Variants in ZNF275 observed in about 807,000 individuals in gnomAD.
ZNF275 encodes the protein zinc finger protein 275.
Under a neutral mutation model 4.3 loss-of-function variants are expected in ZNF275, and 4 were observed. The ratio of observed to expected loss-of-function variants is 0.93; its 90% CI spans 0.46 to 2.13. ZNF275 has a LOEUF of 2.13. Ranked by LOEUF, ZNF275 falls within the 30% of genes most tolerant of loss-of-function variation. The pLI, the probability that ZNF275 is intolerant of heterozygous loss-of-function variation, is 0.02. For synonymous variants in ZNF275, 173 were observed against 166.9 expected (o/e 1.04, Z -0.28); for missense variants, 352 against 397.1 (o/e 0.89, Z 0.97).
Position 153,351,866 on chromosome X carries a change from C to G in ZNF275, c.*3891C>G, listed in dbSNP as rs1033131903. 1.8e-5 allele frequency: 2 copies of G among 111,582 alleles called. No individual in the cohort carries two copies. The highest frequency in any genetic ancestry group is 5.6e-4 in the East Asian group (2 of 3,568). The allele number at this position is 111,582 out of a possible 1,213,427, so 9.2% of individuals were successfully genotyped here. A position where few individuals can be genotyped will look rare whatever the true frequency, so the allele number is the denominator to read the frequency against. On this transcript the variant is annotated 3_prime_UTR_variant, in exon 4 of 4. Coordinates refer to ENST00000650114, the MANE Select transcript of ZNF275 (RefSeq NM_001367757.1). ...GCACAGCGCCTGCCCTACCTGCAGC[C>G]CTGGGTTGTGGCCCTGTTGCGTACC...
At chrX:153,342,601 G>A (rs1556961114) in intron 2 of ZNF275, among the ~76,000 whole-genome samples, 1 of 111,794 alleles carries the variant, frequency 8.9e-6, no homozygotes, top group Admixed American at 9.5e-5. Context: ...TTTGGCTCTA[G>A]GAATAGATCA....
At chrX:153,336,895 A>G (rs1216865957) in intron 2 of ZNF275, among the ~76,000 whole-genome samples, 185 bp downstream of exon 2, 2 of 111,744 alleles carry the variant, frequency 1.8e-5, no homozygotes, top group African/African-American at 6.5e-5. Context: ...CAATCCAAGC[A>G]ATACAACTCA....
At chrX:153,334,550 T>C (rs2124199592) in intron 1 of ZNF275, among the ~76,000 whole-genome samples, 1 of 109,236 alleles carries the variant, frequency 9.2e-6, no homozygotes, top group African/African-American at 3.4e-5. Flanking sequence ...GGGTCCCGGA[T>C]GACGAGTACG....
chrX:153,345,572 G>T lies in ZNF275; in HGVS notation c.84G>T (p.Val28=), dbSNP rs2088507997. ...TCCCTCACCTGGCACAAGGACAAGTGCTACTGGTGTCAGACCCATCGCCCA... is the reference window on the plus strand; with the variant it reads ...TCCCTCACCTGGCACAAGGACAAGTTCTACTGGTGTCAGACCCATCGCCCA... ...ALVPHLAQGQ[V]LLVSDPSPNT... Residue 28 remains valine (V), a synonymous_variant, in exon 3 of 4, where the codon GTG becomes GTT. Coordinates refer to ENST00000650114, the MANE Select transcript of ZNF275 (RefSeq NM_001367757.1). 3.3e-6 allele frequency: 4 copies of T among 1,211,251 alleles called. No individual in the cohort carries two copies. In the East Asian group the frequency reaches 1.2e-4, roughly 36 times the overall value.
rs2088525656 is a variant in ZNF275 at position 153,347,426 on chromosome X, G to A, written c.741G>A (p.Leu247=). Reference sequence around the variant, plus strand: ...GCAAGGCGTGCAGCAGGGATTTCCTGGATCGCCAGGAGCTTCTCAAGCACC... The same window carrying A: ...GCAAGGCGTGCAGCAGGGATTTCCTAGATCGCCAGGAGCTTCTCAAGCACC... The part of the protein sequence containing the change: ...FACKACSRDF[L]DRQELLKHQR... The change falls in exon 4 of 4, where the codon CTG becomes CTA. Residue 247 remains leucine (L), a synonymous_variant. Coordinates refer to ENST00000650114, the MANE Select transcript of ZNF275 (RefSeq NM_001367757.1). The A allele has an allele frequency of 8.3e-7, 1 of 1,210,606 alleles. No individual in the cohort carries two copies. Among genetic ancestry groups the A allele is most frequent in the Non-Finnish European group, 1.1e-6 (1 of 895,145 alleles).
In ZNF275 at chrX:153,346,941, G is replaced by A. The variant is rs373147528; in HGVS notation, c.256G>A (p.Asp86Asn). ...SPEFRQHGDS[D>N]GKRGSPQNLP... is the part of the protein sequence containing the mutation. ...TGAATTCAGACAGCACGGGGACTCT[G>A]ACGGGAAGAGAGGGAGCCCACAGAA... Residue 86 changes from aspartate to asparagine, a missense_variant, in exon 4 of 4, where the codon GAC becomes AAC. Transcript: ENST00000650114. 1 of 1,211,636 alleles carries A rather than the reference G, an allele frequency of 8.3e-7. No individual in the cohort carries two copies. Among genetic ancestry groups the A allele is most frequent in the Non-Finnish European group, 1.1e-6 (1 of 895,451 alleles).
chrX:153,344,928 G>T lies in ZNF275; in HGVS notation c.32-592G>T. ...CACCTGATATGTCAGAGTAGTATGA[G>T]CTCCCCCAACTCCTCTTGGCATGGA... On this transcript the variant is annotated intron_variant, in intron 2 of 3. Transcript: ENST00000650114. The T allele has an allele frequency of 1.6e-5, 4 of 247,351 alleles. No individual in the cohort carries two copies. In the South Asian group the frequency reaches 1.7e-4, roughly 11 times the overall value. 20.4% of individuals were successfully genotyped at this position (247,351 alleles called of 1,213,427 possible). A position where few individuals can be genotyped will look rare whatever the true frequency, so the allele number is the denominator to read the frequency against.
In ZNF275 at chrX:153,348,805, T is replaced by A. The variant is rs183833511; in HGVS notation, c.*830T>A. The A allele has an allele frequency of 3.1e-3, 385 of 123,832 alleles. 1 individual carries two copies. Among genetic ancestry groups the A allele is most frequent in the Middle Eastern group, 9.1e-3 (2 of 220 alleles). The allele number at this position is 123,832 out of a possible 1,213,427, so 10.2% of individuals were successfully genotyped here. On this transcript the variant is annotated 3_prime_UTR_variant, in exon 4 of 4. Coordinates refer to ENST00000650114, the MANE Select transcript of ZNF275 (RefSeq NM_001367757.1). ...GACTGTACAATATAACCACTTAAGGTCATACTTTTTCAAACAACCTTTAAA... is the reference window on the plus strand; with the variant it reads ...GACTGTACAATATAACCACTTAAGGACATACTTTTTCAAACAACCTTTAAA...
At position 153,347,450 on chromosome X, in the gene ZNF275, C is replaced by T; in HGVS notation, c.765C>T (p.His255=). 2.5e-6 allele frequency: 3 copies of T among 1,210,938 alleles called. No individual in the cohort carries two copies. Among genetic ancestry groups the T allele is most frequent in the Non-Finnish European group, 3.4e-6 (3 of 894,917 alleles). The change falls in exon 4 of 4, where the codon CAC becomes CAT. Residue 255 remains histidine, a synonymous_variant. Transcript: ENST00000650114. ...DFLDRQELLK[H]QRMHTGHLPF... Reference sequence around the variant, plus strand: ...TGGATCGCCAGGAGCTTCTCAAGCACCAGCGCATGCACACTGGCCACCTGC... The same window carrying T: ...TGGATCGCCAGGAGCTTCTCAAGCATCAGCGCATGCACACTGGCCACCTGC...
At chrX:153,337,216 C>T (rs1556960656) in intron 2 of ZNF275, among the ~76,000 whole-genome samples, 1 of 111,593 alleles carries the variant, frequency 9.0e-6, no homozygotes, top group African/African-American at 3.3e-5. Flanking sequence ...GTCTTGCTGC[C>T]TTTCCCCTGC....
intron 3 of ZNF275, 93 bp from the exon 4 acceptor site, chrX:153,346,726 G>T: frequency 1.0e-6 from 1 of 976,510 alleles, no homozygotes; most frequent in Non-Finnish European, 1.4e-6. Context: ...GTGCTCAGTG[G>T]CTGTCTCAGA....
Position 153,352,116 on chromosome X carries a change from C to T in ZNF275, c.*4141C>T, listed in dbSNP as rs781805943. ...ACTCAGAGGAGTGAGGAGCGTGGCG[C>T]CTGCTGGGAGGAAGGCCTGGCCATG... On this transcript the variant is annotated 3_prime_UTR_variant, in exon 4 of 4. Transcript: ENST00000650114. 5 of 111,864 alleles carry T rather than the reference C, an allele frequency of 4.5e-5. No homozygotes were observed. The highest frequency in any genetic ancestry group is 1.6e-4 in the African/African-American group (5 of 30,759). The allele number at this position is 111,864 out of a possible 1,213,427, so 9.2% of individuals were successfully genotyped here.
chrX:153,339,635 A>G (rs1362413005), intron 2 of ZNF275, among the ~76,000 whole-genome samples: 2 of 111,321 alleles, frequency 1.8e-5, no homozygotes, highest in Non-Finnish European at 3.8e-5. Flanking sequence ...CTGTGATGGC[A>G]CCACTACACT....
rs2088527454 is a variant in ZNF275 at position 153,347,596 on chromosome X, G to A, written c.911G>A (p.Arg304Lys). 2 of 1,193,380 alleles carry A rather than the reference G, an allele frequency of 1.7e-6. No individual in the cohort carries two copies. Among genetic ancestry groups the A allele is most frequent in the Non-Finnish European group, 1.1e-6 (1 of 887,703 alleles). Residue 304 changes from arginine (R) to lysine (K), a missense_variant, in exon 4 of 4, where the codon AGG (arginine) becomes AAG (lysine). Physicochemically the swap from Arg to Lys is conservative, Grantham distance 26. Coordinates refer to ENST00000650114, the MANE Select transcript of ZNF275 (RefSeq NM_001367757.1). The stretch of plus-strand genomic sequence containing the variant: ...CCCCACTGCGGCAAGCTCTTCCGAA[G>A]GAGCTCGGAGCTCACCAAGCACCGG... ...GCPHCGKLFR[R>K]SSELTKHRRI...
intron 2 of ZNF275, chrX:153,344,772 C>A (rs782809575): frequency 2.0e-5 from 2 of 100,086 alleles, no homozygotes; most frequent in South Asian, 1.7e-4. Flanking sequence ...GGAACGTGAC[C>A]TCTGTGGGTA....
In ZNF275 at chrX:153,346,945, G is replaced by T. The variant is rs377605135; in HGVS notation, c.260G>T (p.Gly87Val). 8.3e-6 allele frequency: 10 copies of T among 1,209,793 alleles called. No homozygotes were observed. The African/African-American group carries it at 1.4e-4, about 17-fold the overall frequency. ...TTCAGACAGCACGGGGACTCTGACG[G>T]GAAGAGAGGGAGCCCACAGAATCTG... The part of the protein sequence containing the change: ...PEFRQHGDSD[G>V]KRGSPQNLPI... The change falls in exon 4 of 4, where the codon GGG (glycine) becomes GTG (valine). Residue 87 changes from glycine to valine, a missense_variant. Gly to Val is a moderately radical substitution (Grantham distance 109). Coordinates refer to ENST00000650114, the MANE Select transcript of ZNF275 (RefSeq NM_001367757.1).
At position 153,349,892 on chromosome X, in the gene ZNF275, T is replaced by G. The variant is rs1405141081; in HGVS notation, c.*1917T>G. 3.2e-5 allele frequency: 4 copies of G among 123,560 alleles called. No homozygotes were observed. The highest frequency in any genetic ancestry group is 1.3e-4 in the African/African-American group (4 of 30,833). 10.2% of individuals were successfully genotyped at this position (123,560 alleles called of 1,213,427 possible). A position where few individuals can be genotyped will look rare whatever the true frequency, so the allele number is the denominator to read the frequency against. ...TCCCATCATAGATTAGCCAGAACTCTGTGACTGCTCATCATTATAGACCCC... is the reference window on the plus strand; with the variant it reads ...TCCCATCATAGATTAGCCAGAACTCGGTGACTGCTCATCATTATAGACCCC... On this transcript the variant is annotated 3_prime_UTR_variant, in exon 4 of 4. Transcript: ENST00000650114.
chrX:153,336,180 C>G, intron 1 of ZNF275, among the ~76,000 whole-genome samples: 1 of 112,563 alleles, frequency 8.9e-6, no homozygotes. Flanking sequence ...GAAACCCAAA[C>G]AGAAAGAGAC....
intron 2 of ZNF275, chrX:153,343,290 G>C (rs1186121368): frequency 1.5e-5 from 4 of 262,877 alleles, no homozygotes; most frequent in Non-Finnish European, 2.8e-5. Context: ...CCTTGAGCCA[G>C]TGTAAGAGCC....
Sources: gnomAD v4.1 joint callset for allele counts (sites outside exome capture counted in the v4.1 genomes callset) on GRCh38, gnomAD v4.1.1 for gene constraint, MANE v1.5 for transcripts, NCBI Gene and HGNC (gene_info 2026-07-23, HGNC 2026-07-21) for gene names.